Variants in COL21A1 observed in about 807,000 individuals in gnomAD.
COL21A1 encodes the protein collagen alpha-1(XXI) chain.
COL21A1 carries 149 observed loss-of-function variants against 137.9 expected under a neutral mutation model. That is an observed-to-expected ratio of 1.08 (90% CI 0.95 to 1.24). The LOEUF is 1.24. Among genes scored for constraint, COL21A1 ranks in the 50% most tolerant of loss-of-function variants. The pLI is 0.00. For synonymous variants in COL21A1, 456 were observed against 391.5 expected (o/e 1.16, Z -1.95); for missense variants, 1,167 against 1,158.4 (o/e 1.01, Z -0.11).
chr6:56,152,932 C>T (rs1374486324), intron 10 of COL21A1, among the ~76,000 whole-genome samples: 1 of 152,106 alleles, frequency 6.6e-6, no homozygotes, highest in African/African-American at 2.4e-5. Flanking sequence ...AAGGGGTCTG[C>T]AGGCTAAGGA....
intron 9 of COL21A1, among the ~76,000 whole-genome samples, chr6:56,162,655 A>C (rs1411825214): frequency 6.6e-6 from 1 of 152,206 alleles, no homozygotes; most frequent in African/African-American, 2.4e-5. Context: ...AAAGCACTCT[A>C]GGCTTTGATA....
At chr6:56,319,629 G>C (rs1015016958) in intron 1 of COL21A1, among the ~76,000 whole-genome samples, 1 of 152,120 alleles carries the variant, frequency 6.6e-6, no homozygotes, top group Non-Finnish European at 1.5e-5. Context: ...TGAGCCACTG[G>C]GCCCGGCCTT....
In COL21A1 at chr6:56,171,003, CT is replaced by C. The variant is rs1356407685; in HGVS notation, c.765del (p.Gly256AspfsTer4). The C allele has an allele frequency of 2.5e-6, 4 of 1,606,824 alleles. No homozygotes were observed. The highest frequency in any genetic ancestry group is 2.2e-5 in the East Asian group (1 of 44,784). On this transcript the variant is annotated frameshift_variant, in exon 4 of 30. Coordinates refer to ENST00000244728, the MANE Select transcript of COL21A1 (RefSeq NM_030820.4). LOFTEE classifies it high-confidence loss of function. The stretch of plus-strand genomic sequence containing the variant: ...TCAACTTTTGATGTTACTTCATATC[CT>C]TTTATCTTTTTTGGTGAAAGCTGTA... Reference protein sequence around the residue: ...KRIQLSPKKIKGYEVTSKVDL... With the variant: ...KRIQLSPKKIXGYEVTSKVDL...
chr6:56,290,523 G>T (rs982840629), intron 1 of COL21A1, among the ~76,000 whole-genome samples: 1 of 72,856 alleles, frequency 1.4e-5, no homozygotes, highest in East Asian at 4.3e-4. Context: ...TTTTTGAGAC[G>T]AAGTCTTGCT....
intron 16 of COL21A1, among the ~76,000 whole-genome samples, chr6:56,114,160 T>C (rs918429045): frequency 2.6e-5 from 4 of 152,132 alleles, no homozygotes; most frequent in Non-Finnish European, 4.4e-5. Context: ...GGGAAAGACA[T>C]AGGCCTGGCT....
intron 17 of COL21A1, 28 bp from the exon 18 acceptor site, chr6:56,077,601 C>A: frequency 7.0e-7 from 1 of 1,424,464 alleles, no homozygotes; most frequent in Non-Finnish European, 9.5e-7. Flanking sequence ...AGATTTTTAA[C>A]TTATAAAAAA....
intron 1 of COL21A1, among the ~76,000 whole-genome samples, chr6:56,224,414 C>T (rs576808777): frequency 1.3e-5 from 2 of 152,148 alleles, no homozygotes; most frequent in South Asian, 4.2e-4. Context: ...CATGACTTAA[C>T]GTGGAGGCTT....
At chr6:56,359,270 G>A (rs754130712) in intron 1 of COL21A1, among the ~76,000 whole-genome samples, 1 of 152,162 alleles carries the variant, frequency 6.6e-6, no homozygotes, top group Non-Finnish European at 1.5e-5. Flanking sequence ...ACGGGATTAC[G>A]ATTTCCTGGA....
intron 17 of COL21A1, among the ~76,000 whole-genome samples, chr6:56,097,870 T>TATATAAATATATAAATA (rs1769566371): frequency 1.4e-5 from 1 of 72,614 alleles, no homozygotes; most frequent in Non-Finnish European, 2.3e-5. Flanking sequence ...TATAAAAATA[T>TATATAAATATATAAATA]CTATAAATAT....
chr6:56,213,127 T>C (rs1003113812), intron 1 of COL21A1, among the ~76,000 whole-genome samples: 1 of 152,152 alleles, frequency 6.6e-6, no homozygotes, highest in African/African-American at 2.4e-5. Context: ...CACGTATTCC[T>C]TTGGTTGTTT....
intron 1 of COL21A1, among the ~76,000 whole-genome samples, chr6:56,284,103 A>G (rs1763848707): frequency 6.6e-6 from 1 of 152,176 alleles, no homozygotes; most frequent in East Asian, 1.9e-4. Flanking sequence ...GCTGTAGTGC[A>G]GTGACACCAT....
chr6:56,376,688 C>T (rs1029698734), intron 1 of COL21A1, among the ~76,000 whole-genome samples: 1 of 151,928 alleles, frequency 6.6e-6, no homozygotes, highest in African/African-American at 2.4e-5. Context: ...CTTCAATTTT[C>T]TCCATAAGTT....
chr6:56,098,970 C>T (rs527737218), intron 17 of COL21A1, among the ~76,000 whole-genome samples: 2 of 150,614 alleles, frequency 1.3e-5, no homozygotes, highest in South Asian at 4.2e-4. Flanking sequence ...CCGCCTCGGC[C>T]TCCCAAAGTG....
chr6:56,142,375 C>T (rs1407834209), intron 10 of COL21A1, among the ~76,000 whole-genome samples: 1 of 152,118 alleles, frequency 6.6e-6, no homozygotes, highest in Admixed American at 6.5e-5. Context: ...AATTAATGGC[C>T]ATCTGAGTTA....
rs183994027 is a variant in COL21A1, at chr6:56,106,948, G to A, written c.1759-5423C>T. ...ACTACAGGCGCCCGCCACCACGCCCGGCTAATTTTTTTGTATTTTTAGTAG... is the reference window on the plus strand; with the variant it reads ...ACTACAGGCGCCCGCCACCACGCCCAGCTAATTTTTTTGTATTTTTAGTAG... On this transcript the variant is annotated intron_variant, in intron 16 of 29. Coordinates refer to ENST00000244728, the MANE Select transcript of COL21A1 (RefSeq NM_030820.4). 8.2e-3 allele frequency among the ~76,000 whole-genome samples: 1,245 copies of A among 152,046 alleles called. 19 individuals are homozygous for A. The highest frequency in any genetic ancestry group is 0.029 in the African/African-American group (1,196 of 41,472).
At chr6:56,330,609 T>C (rs1582787152) in intron 1 of COL21A1, among the ~76,000 whole-genome samples, 1 of 152,232 alleles carries the variant, frequency 6.6e-6, no homozygotes, top group East Asian at 1.9e-4. Context: ...ATCACATGGA[T>C]AATAAACATT....
At chr6:56,237,316 G>C (rs964827061) in intron 1 of COL21A1, among the ~76,000 whole-genome samples, 1 of 152,020 alleles carries the variant, frequency 6.6e-6, no homozygotes, top group African/African-American at 2.4e-5. Context: ...CCCTGTCTAA[G>C]CATTGGCAAT....
intron 1 of COL21A1, among the ~76,000 whole-genome samples, chr6:56,206,015 G>T (rs1356735601): frequency 6.6e-6 from 1 of 152,150 alleles, no homozygotes; most frequent in Non-Finnish European, 1.5e-5. Context: ...ACTGGTAGCA[G>T]CCACTGCAAA....
chr6:56,216,344 T>C (rs1780488839), intron 1 of COL21A1, among the ~76,000 whole-genome samples: 1 of 152,066 alleles, frequency 6.6e-6, no homozygotes, highest in Non-Finnish European at 1.5e-5. Context: ...AAATTCATAT[T>C]TTAGCTTTGA....
Sources: gnomAD v4.1 joint callset for allele counts (sites outside exome capture counted in the v4.1 genomes callset) on GRCh38, gnomAD v4.1.1 for gene constraint, MANE v1.5 for transcripts, NCBI Gene and HGNC (gene_info 2026-07-23, HGNC 2026-07-21) for gene names.